Variants in UNC13C observed in about 807,000 individuals in gnomAD.
The protein encoded by UNC13C is unc-13 homolog C.
In UNC13C, 174 loss-of-function variants were observed where a neutral mutation model predicts 245.4. The observed-to-expected ratio is 0.71, with a 90% CI of 0.63 to 0.80. The LOEUF (loss-of-function observed/expected upper bound fraction) is 0.80. Among genes scored for constraint, UNC13C ranks in the 30% least tolerant of loss-of-function variants. UNC13C has a pLI of 0.00. For missense variants in UNC13C, 2,829 were observed against 2,602.9 expected, an observed-to-expected ratio of 1.09 and a Z score of -1.89; for synonymous variants, 992 against 895.1, an observed-to-expected ratio of 1.11 and a Z score of -1.93.
At chr15:54,602,284 T>A (rs1285249182) in intron 30 of UNC13C, among the ~76,000 whole-genome samples, 1 of 152,170 alleles carries the variant, frequency 6.6e-6, no homozygotes, top group Non-Finnish European at 1.5e-5. Flanking sequence ...GCAGAGTAAC[T>A]AACACAATTG....
At chr15:54,276,149 C>T (rs2036826388) in intron 10 of UNC13C, among the ~76,000 whole-genome samples, 1 of 152,020 alleles carries the variant, frequency 6.6e-6, no homozygotes, top group African/African-American at 2.4e-5. Context: ...ATGAGAGGAA[C>T]TGATTACAAA....
intron 14 of UNC13C, 25 bp downstream of exon 14, chr15:54,322,120 A>G: frequency 6.5e-7 from 1 of 1,527,696 alleles, no homozygotes; most frequent in Non-Finnish European, 8.8e-7. Flanking sequence ...TTAAACTTTA[A>G]AATTCCTAGC....
rs568338988 is a variant in UNC13C at position 54,600,842 on chromosome 15, A to G, written c.6107-21485A>G. Among the ~76,000 whole-genome samples the G allele has an allele frequency of 5.5e-4, 83 of 152,230 alleles. 1 individual carries two copies. The highest frequency in any genetic ancestry group is 1.2e-3 in the Admixed American group (18 of 15,274). ...CCAATCTAGATGTGGATGATATAGC[A>G]TTGGATACGTAAGCCCATACTCTCA... On this transcript the variant is annotated intron_variant, in intron 30 of 32. Coordinates refer to ENST00000260323, the MANE Select transcript of UNC13C (RefSeq NM_001080534.3).
the UNC13C span, among the ~76,000 whole-genome samples, chr15:53,946,682 T>G: frequency 1.3e-5 from 2 of 149,978 alleles, no homozygotes; most frequent in African/African-American, 4.9e-5. Context: ...GGTTTTTTTT[T>G]TTTTTTTTTT....
chr15:54,228,004 A>G (rs1395311231), intron 4 of UNC13C, among the ~76,000 whole-genome samples: 3 of 152,168 alleles, frequency 2.0e-5, no homozygotes, highest in Non-Finnish European at 2.9e-5. Flanking sequence ...CTGAAGTCAG[A>G]AACTTTAGGA....
chr15:54,265,322 G>A (rs117555253), intron 9 of UNC13C, 33 bp from the exon 10 acceptor site: 35,546 of 1,395,630 alleles, frequency 0.025, 581 homozygotes, highest in Non-Finnish European at 0.027. Flanking sequence ...TGAGGACTCT[G>A]TATGTTAAAA....
At chr15:54,534,570 T>C (rs1596529848) in intron 26 of UNC13C, among the ~76,000 whole-genome samples, 2 of 152,276 alleles carry the variant, frequency 1.3e-5, no homozygotes, top group African/African-American at 4.8e-5. Flanking sequence ...TACCCAGCAA[T>C]AGTTCTTAAC....
At chr15:54,345,971 C>G (rs564164450) in intron 17 of UNC13C, among the ~76,000 whole-genome samples, 1 of 152,164 alleles carries the variant, frequency 6.6e-6, no homozygotes, top group Non-Finnish European at 1.5e-5. Flanking sequence ...AACAGCTAAC[C>G]GCAGCTCAGC....
intron 19 of UNC13C, among the ~76,000 whole-genome samples, chr15:54,423,934 T>C (rs1418253376): frequency 6.6e-6 from 1 of 151,904 alleles, no homozygotes; most frequent in African/African-American, 2.4e-5. Flanking sequence ...TAGAATTTTT[T>C]TAGAGAAATA....
rs773933187 is a variant in UNC13C, at chr15:54,013,384, G to A, written c.481G>A (p.Ala161Thr). ...RRNRKSSSSLAPSEGSSDGER... is the reference protein window; with the variant it reads ...RRNRKSSSSLTPSEGSSDGER... ...CAACAGAAAGAGTTCAAGCAGCCTT[G>A]CACCCTCTGAGGGCAGCTCTGACGG... The change falls in exon 2 of 33, where the codon GCA becomes ACA. Residue 161 changes from alanine (A) to threonine (T), a missense_variant. Transcript: ENST00000260323. The A allele has an allele frequency of 6.2e-7, 1 of 1,613,730 alleles. No individual in the cohort carries two copies. Among genetic ancestry groups the A allele is most frequent in the Non-Finnish European group, 8.5e-7 (1 of 1,179,874 alleles).
At chr15:54,108,616 C>T (rs947281747) in intron 2 of UNC13C, among the ~76,000 whole-genome samples, 3 of 152,178 alleles carry the variant, frequency 2.0e-5, no homozygotes, top group Admixed American at 6.5e-5. Flanking sequence ...GTTTTCTTAA[C>T]TTTTATTTTT....
chr15:54,156,929 C>G (rs960895492), intron 4 of UNC13C, among the ~76,000 whole-genome samples: 4 of 151,692 alleles, frequency 2.6e-5, no homozygotes, highest in African/African-American at 9.7e-5. Flanking sequence ...GCAGTTAGAA[C>G]TAGACATCAG....
At chr15:54,153,459 G>C (rs796424526) in intron 4 of UNC13C, among the ~76,000 whole-genome samples, 2 of 152,078 alleles carry the variant, frequency 1.3e-5, no homozygotes, top group South Asian at 4.1e-4. Context: ...TTACAGATGA[G>C]ATAATTCAGA....
chr15:54,420,973 C>T (rs1201478428), intron 19 of UNC13C, among the ~76,000 whole-genome samples: 3 of 151,990 alleles, frequency 2.0e-5, no homozygotes, highest in East Asian at 3.9e-4. Flanking sequence ...ATTAGAATCA[C>T]CAGGGGTAGA....
chr15:53,870,155 T>C, the UNC13C span, among the ~76,000 whole-genome samples: 3 of 152,240 alleles, frequency 2.0e-5, no homozygotes, highest in African/African-American at 7.2e-5. Context: ...TTATATAATA[T>C]AGTTTTGTCT....
At chr15:54,378,692 A>G (rs1163420599) in intron 17 of UNC13C, among the ~76,000 whole-genome samples, 2 of 151,906 alleles carry the variant, frequency 1.3e-5, no homozygotes, top group Non-Finnish European at 2.9e-5. Context: ...CCAAATTTAT[A>G]CAATAAATTA....
intron 32 of UNC13C, among the ~76,000 whole-genome samples, chr15:54,625,344 A>ATTC (rs1901065778): frequency 1.3e-5 from 2 of 152,110 alleles, no homozygotes; most frequent in African/African-American, 4.8e-5. Flanking sequence ...TGCAAACAGC[A>ATTC]AAAAGGAGGG....
intron 19 of UNC13C, among the ~76,000 whole-genome samples, chr15:54,447,583 A>G (rs1890890116): frequency 6.6e-6 from 1 of 152,086 alleles, no homozygotes; most frequent in Non-Finnish European, 1.5e-5. Flanking sequence ...TTATTCTCTG[A>G]TGGTAGTTTG....
intron 2 of UNC13C, among the ~76,000 whole-genome samples, chr15:54,034,222 C>T (rs913705679): frequency 1.3e-5 from 2 of 152,182 alleles, no homozygotes; most frequent in African/African-American, 4.8e-5. Context: ...GTTTTGGTGC[C>T]TCAGCTCTAG....
Sources: allele counts gnomAD v4.1 joint callset (sites outside exome capture counted in the v4.1 genomes callset), GRCh38; gene constraint gnomAD v4.1.1; transcripts MANE v1.5; gene names NCBI Gene and HGNC (gene_info 2026-07-23, HGNC 2026-07-21).